Variants in CFAP47 observed in about 807,000 individuals in gnomAD.
CFAP47 encodes cilia- and flagella-associated protein 47.
In CFAP47, 29 loss-of-function variants were observed where a neutral mutation model predicts 148.1. The observed-to-expected ratio is 0.20, with a 90% CI of 0.15 to 0.27. The LOEUF (loss-of-function observed/expected upper bound fraction) is 0.27, where lower values mean the gene tolerates loss of function less well. Among genes scored for constraint, CFAP47 ranks in the 10% least tolerant of loss-of-function variants. CFAP47 has a pLI of 1.00. For missense variants in CFAP47, 1,872 were observed against 1,697.5 expected, an observed-to-expected ratio of 1.10 and a Z score of -1.81; for synonymous variants, 664 against 577.3, an observed-to-expected ratio of 1.15 and a Z score of -2.15.
intron 33 of CFAP47, among the ~76,000 whole-genome samples, chrX:36,119,489 A>G (rs1938701415): frequency 9.0e-6 from 1 of 111,349 alleles, no homozygotes; most frequent in Non-Finnish European, 1.9e-5. Context: ...TTTTTGCATC[A>G]ATATTCATGA....
rs544095625 is a variant in CFAP47 at position 36,000,305 on chromosome X, C to T, written c.3200C>T (p.Ala1067Val). ...TAGGATGTATTTAATTTCAGTGGCG[C>T]CTATATTGGTGGTACCCAGATTATT... ...INPDVFNFSG[A>V]YIGGTQIIPF... Residue 1067 changes from alanine to valine, a missense_variant, in exon 20 of 64, where the codon GCC (alanine) becomes GTC (valine). Ala to Val is a moderately conservative substitution (Grantham distance 64). Transcript: ENST00000378653. 8 of 291,714 alleles carry T rather than the reference C, an allele frequency of 2.7e-5. No individual in the cohort carries two copies. The Admixed American group carries it at 4.5e-4, about 16-fold the overall frequency. The allele number at this position is 291,714 out of a possible 1,213,427, so 24.0% of individuals were successfully genotyped here.
intron 33 of CFAP47, among the ~76,000 whole-genome samples, chrX:36,123,284 C>T (rs1938777586): frequency 8.9e-6 from 1 of 111,952 alleles, no homozygotes; most frequent in Admixed American, 9.4e-5. Flanking sequence ...GTAACCACTC[C>T]CTAGCTACTG....
rs1936860719 is a variant in CFAP47, at chrX:35,997,355, G to C, written c.3143G>C (p.Gly1048Ala). The change falls in exon 19 of 64, where the codon GGA becomes GCA. Residue 1048 changes from glycine to alanine, a missense_variant. Gly to Ala is a moderately conservative substitution (Grantham distance 60). Transcript: ENST00000378653. ...AATGTTATAGACCTTAGGATTGGTG[G>C]ATCTGCTGAAATTGCTGATGTAGAA... is the stretch of plus-strand genomic sequence containing the variant. ...HANVIDLRIG[G>A]SAEIADVEIN... The C allele has an allele frequency of 3.4e-6, 1 of 293,544 alleles. No individual in the cohort carries two copies. The highest frequency in any genetic ancestry group is 2.8e-5 in the African/African-American group (1 of 36,194). The allele number at this position is 293,544 out of a possible 1,213,427, so 24.2% of individuals were successfully genotyped here. A position where few individuals can be genotyped will look rare whatever the true frequency, so the allele number is the denominator to read the frequency against.
chrX:36,130,114 A>G (rs770214101), intron 33 of CFAP47, among the ~76,000 whole-genome samples: 46 of 111,430 alleles, frequency 4.1e-4, no homozygotes, highest in African/African-American at 1.4e-3. Flanking sequence ...AATGGATACA[A>G]TCAACAAAGT....
At chrX:35,921,491 A>G (rs969758710) in intron 1 of CFAP47, among the ~76,000 whole-genome samples, 1 of 111,987 alleles carries the variant, frequency 8.9e-6, no homozygotes, top group African/African-American at 3.2e-5. Context: ...GGTGGTAATA[A>G]TGTTTGGATG....
chrX:36,118,300 G>C (rs953676352), intron 33 of CFAP47, among the ~76,000 whole-genome samples: 6 of 110,437 alleles, frequency 5.4e-5, no homozygotes, highest in African/African-American at 2.0e-4. Flanking sequence ...TTTTCATAGG[G>C]GTTGCATGGA....
At position 35,919,921 on chromosome X, in the gene CFAP47, G is replaced by C. The variant is rs138479255; in HGVS notation, c.122G>C (p.Arg41Pro). ...MDSSGRDMQL[R>P]VIPAEVKFLD... ...AGCTCGGGTAGAGACATGCAGCTGC[G>C]GGTGATCCCGGCTGAGGTGAAGTTC... is the stretch of plus-strand genomic sequence containing the variant. The change falls in exon 1 of 64, where the codon CGG becomes CCG. Residue 41 changes from arginine (R) to proline (P), a missense_variant. Arg to Pro is a moderately radical substitution (Grantham distance 103, BLOSUM62 -2). Transcript: ENST00000378653. 12 of 1,208,837 alleles carry C rather than the reference G, an allele frequency of 9.9e-6. No individual in the cohort carries two copies. Among genetic ancestry groups the C allele is most frequent in the Non-Finnish European group, 1.2e-5 (11 of 894,887 alleles).
chrX:35,974,939 G>T (rs1161928842), intron 13 of CFAP47, among the ~76,000 whole-genome samples: 1 of 110,895 alleles, frequency 9.0e-6, no homozygotes, highest in Non-Finnish European at 1.9e-5. Context: ...TATTTATATT[G>T]AATTGTAGCC....
intron 8 of CFAP47, among the ~76,000 whole-genome samples, chrX:35,956,800 G>C (rs1012530152): frequency 4.5e-5 from 5 of 111,701 alleles, no homozygotes; most frequent in Non-Finnish European, 9.4e-5. Flanking sequence ...TAAACCATGG[G>C]TTAAAAGACG....
chrX:36,374,939 G>T, intron 62 of CFAP47: 4 of 557,877 alleles, frequency 7.2e-6, no homozygotes, highest in Non-Finnish European at 1.2e-5. Context: ...AGACCTTTGA[G>T]TTGCACATCA....
chrX:36,374,757 C>A (rs1169263091), intron 62 of CFAP47: 4 of 520,761 alleles, frequency 7.7e-6, no homozygotes, highest in Non-Finnish European at 1.2e-5. Context: ...TTTTTTTTTC[C>A]ATGAGGCATT....
intron 45 of CFAP47, among the ~76,000 whole-genome samples, chrX:36,215,217 A>T (rs1940146680): frequency 9.0e-6 from 1 of 111,691 alleles, no homozygotes; most frequent in South Asian, 3.8e-4. Flanking sequence ...TATATGCATC[A>T]GATTGCTCAG....
intron 3 of CFAP47, among the ~76,000 whole-genome samples, chrX:35,946,804 C>G (rs1055296087): frequency 9.0e-5 from 10 of 111,653 alleles, no homozygotes; most frequent in Non-Finnish European, 1.7e-4. Context: ...AATAAAGGGA[C>G]TAGTGATTGG....
At chrX:35,999,418 G>A (rs1303413701) in intron 19 of CFAP47, among the ~76,000 whole-genome samples, 1 of 111,995 alleles carries the variant, frequency 8.9e-6, no homozygotes, top group Non-Finnish European at 1.9e-5. Flanking sequence ...CACATGCCTT[G>A]TGTGTGAGCT....
chrX:36,327,935 A>T (rs1477390078), intron 57 of CFAP47, among the ~76,000 whole-genome samples: 1 of 110,820 alleles, frequency 9.0e-6, no homozygotes, highest in Non-Finnish European at 1.9e-5. Flanking sequence ...ATTATGGGAA[A>T]CAATAAACAC....
chrX:36,029,603 A>T (rs1937258298), intron 22 of CFAP47, among the ~76,000 whole-genome samples: 1 of 110,624 alleles, frequency 9.0e-6, no homozygotes, highest in Non-Finnish European at 1.9e-5. Context: ...TGTTCTTTCA[A>T]ATGGGGAACT....
intron 18 of CFAP47, among the ~76,000 whole-genome samples, chrX:35,995,974 C>G (rs749533892): frequency 3.6e-5 from 4 of 111,172 alleles, no homozygotes; most frequent in African/African-American, 1.3e-4. Flanking sequence ...TGAGTGAGAA[C>G]GCAAGGGAGA....
chrX:36,019,882 A>G (rs988797653), intron 22 of CFAP47, among the ~76,000 whole-genome samples: 2 of 111,985 alleles, frequency 1.8e-5, no homozygotes, highest in Non-Finnish European at 3.8e-5. Context: ...CTTCAAAACA[A>G]CAACTTTTCA....
intron 49 of CFAP47, among the ~76,000 whole-genome samples, chrX:36,264,236 C>A (rs1410832993): frequency 1.8e-5 from 2 of 111,691 alleles, no homozygotes; most frequent in Non-Finnish European, 3.8e-5. Flanking sequence ...GTTAGGACTT[C>A]AGTGATGCCA....
Sources: gnomAD v4.1 joint callset for allele counts (sites outside exome capture counted in the v4.1 genomes callset) on GRCh38, gnomAD v4.1.1 for gene constraint, MANE v1.5 for transcripts, NCBI Gene and HGNC (gene_info 2026-07-23, HGNC 2026-07-21) for gene names.